MINDY4: variants seen among roughly 807,000 people sequenced by gnomAD.
MINDY4 encodes probable ubiquitin carboxyl-terminal hydrolase MINDY-4.
Under a neutral mutation model 87.0 loss-of-function variants are expected in MINDY4, and 68 were observed. The ratio of observed to expected loss-of-function variants is 0.78; its 90% CI spans 0.64 to 0.96. The LOEUF is 0.96. Ranked by LOEUF, MINDY4 falls within the 40% of genes least tolerant of loss-of-function variation. The pLI is 0.00. For missense variants in MINDY4, 919 were observed against 928.2 expected (o/e 0.99, Z 0.13); for synonymous variants, 379 against 363.2 (o/e 1.04, Z -0.50).
Position 30,882,366 on chromosome 7 carries a change from G to C in MINDY4, c.2152+5G>C, listed in dbSNP as rs769382403. The C allele has an allele frequency of 6.4e-7, 1 of 1,552,498 alleles. No individual in the cohort carries two copies. The highest frequency in any genetic ancestry group is 8.7e-7 in the Non-Finnish European group (1 of 1,143,330). On this transcript the variant is annotated splice_donor_5th_base_variant and intron_variant, in intron 16 of 17. Transcript: ENST00000265299. ...AGCAGATCCGGCTGACCATTGGTGC[G>C]GGCCCTCACCCCCCCACCCACCCAA...
chr7:30,886,337 C>G (rs2128583006), intron 17 of MINDY4, among the ~76,000 whole-genome samples: 1 of 152,292 alleles, frequency 6.6e-6, no homozygotes, highest in African/African-American at 2.4e-5. Context: ...TTGCCATCAG[C>G]CAAAAGTCAA....
chr7:30,828,744 G>A lies in MINDY4; in HGVS notation c.1132+7G>A, dbSNP rs747364647. On this transcript the variant is annotated splice_region_variant and intron_variant, in intron 6 of 17. Coordinates refer to ENST00000265299, the MANE Select transcript of MINDY4 (RefSeq NM_032222.3). ...CTGGGTGCCCTGCGGCTCGGTAGGT[G>A]CAGCGGGTGCCTCTGTGCTGTGCCC... is the stretch of plus-strand genomic sequence containing the variant. 4 of 1,611,642 alleles carry A rather than the reference G, an allele frequency of 2.5e-6. No homozygotes were observed. The highest frequency in any genetic ancestry group is 3.4e-6 in the Non-Finnish European group (4 of 1,179,976).
At chr7:30,815,158 C>A (rs1184887601) in intron 5 of MINDY4, among the ~76,000 whole-genome samples, 1 of 152,200 alleles carries the variant, frequency 6.6e-6, no homozygotes, top group Non-Finnish European at 1.5e-5. Flanking sequence ...GCTTTTCAGT[C>A]CACTGTGGAA....
At chr7:30,828,390 A>C (rs1562544624) in intron 5 of MINDY4, among the ~76,000 whole-genome samples, 3 of 152,146 alleles carry the variant, frequency 2.0e-5, no homozygotes, top group African/African-American at 4.8e-5. Flanking sequence ...GATAGCCTAC[A>C]TGCAGTGCTT....
At chr7:30,816,155 G>GC (rs1788142614) in intron 5 of MINDY4, among the ~76,000 whole-genome samples, 1 of 151,630 alleles carries the variant, frequency 6.6e-6, no homozygotes. Context: ...TCCAGAGGGA[G>GC]CATCCATTGA....
intron 4 of MINDY4, among the ~76,000 whole-genome samples, 198 bp from the exon 5 acceptor site, chr7:30,790,967 T>C (rs576566768): frequency 4.6e-5 from 7 of 152,270 alleles, no homozygotes; most frequent in Non-Finnish European, 8.8e-5. Context: ...AGGCGGGGTG[T>C]GCATCACTGA....
intron 5 of MINDY4, among the ~76,000 whole-genome samples, chr7:30,794,093 G>A (rs933324826): frequency 2.0e-5 from 3 of 152,114 alleles, no homozygotes; most frequent in East Asian, 3.9e-4. Context: ...TCAGCGAGGC[G>A]TCTTTGTGTA....
chr7:30,824,749 T>C (rs1346310407), intron 5 of MINDY4, among the ~76,000 whole-genome samples: 1 of 152,088 alleles, frequency 6.6e-6, no homozygotes, highest in East Asian at 1.9e-4. Flanking sequence ...AATTTATTTA[T>C]TTTTTGTGGA....
chr7:30,842,638 C>T (rs1290497268), intron 9 of MINDY4, among the ~76,000 whole-genome samples: 1 of 152,174 alleles, frequency 6.6e-6, no homozygotes, highest in Non-Finnish European at 1.5e-5. Flanking sequence ...GAGAGCCAGA[C>T]AGGAACAGGT....
intron 5 of MINDY4, among the ~76,000 whole-genome samples, chr7:30,792,878 G>A (rs1310879138): frequency 6.6e-6 from 1 of 151,640 alleles, no homozygotes; most frequent in Non-Finnish European, 1.5e-5. Context: ...TATTCTCTCT[G>A]AGTTTAATTT....
At chr7:30,794,479 T>C (rs1477876240) in intron 5 of MINDY4, among the ~76,000 whole-genome samples, 1 of 151,748 alleles carries the variant, frequency 6.6e-6, no homozygotes, top group Non-Finnish European at 1.5e-5. Flanking sequence ...TTCAGGAAAA[T>C]CCATGGAAGT....
At chr7:30,873,110 C>T (rs1268846597) in intron 14 of MINDY4, among the ~76,000 whole-genome samples, 2 of 152,196 alleles carry the variant, frequency 1.3e-5, no homozygotes, top group Non-Finnish European at 2.9e-5. Context: ...TACGTGGGCA[C>T]CATACAAGGC....
At chr7:30,822,178 CTTTT>C (rs983445282) in intron 5 of MINDY4, among the ~76,000 whole-genome samples, 4 of 135,098 alleles carry the variant, frequency 3.0e-5, no homozygotes, top group African/African-American at 1.2e-4. Context: ...TTCTTTCTTT[CTTTT>C]TTTTTTTTCT....
chr7:30,880,571 C>G (rs1790433592), intron 15 of MINDY4, among the ~76,000 whole-genome samples: 1 of 152,128 alleles, frequency 6.6e-6, no homozygotes, highest in Non-Finnish European at 1.5e-5. Context: ...TTGGGACTCT[C>G]TCCCTGCCGT....
intron 5 of MINDY4, among the ~76,000 whole-genome samples, chr7:30,804,397 A>C (rs1787746054): frequency 6.6e-6 from 1 of 152,230 alleles, no homozygotes; most frequent in Non-Finnish European, 1.5e-5. Flanking sequence ...CTCAATCTAA[A>C]TACATGGTAT....
At chr7:30,856,674 T>C (rs1337135964) in intron 12 of MINDY4, among the ~76,000 whole-genome samples, 1 of 151,940 alleles carries the variant, frequency 6.6e-6, no homozygotes, top group African/African-American at 2.4e-5. Flanking sequence ...GCAAGAGTTC[T>C]AGAAGGAGAA....
At chr7:30,785,415 A>G (rs962057764) in intron 3 of MINDY4, among the ~76,000 whole-genome samples, 5 of 152,184 alleles carry the variant, frequency 3.3e-5, no homozygotes, top group African/African-American at 1.2e-4. Flanking sequence ...CGCATACCGC[A>G]TGACTGTACT....
chr7:30,884,759 G>A (rs765122769), intron 17 of MINDY4, among the ~76,000 whole-genome samples: 15 of 152,180 alleles, frequency 9.9e-5, no homozygotes, highest in African/African-American at 2.4e-4. Context: ...ACCTCCCAGC[G>A]TGGGCCCAGG....
intron 15 of MINDY4, among the ~76,000 whole-genome samples, chr7:30,878,115 G>A (rs2128580463): frequency 6.6e-6 from 1 of 152,150 alleles, no homozygotes; most frequent in South Asian, 2.1e-4. Context: ...CTCAGAGCCA[G>A]GGCCCTTGCT....
Sources: allele counts gnomAD v4.1 joint callset (sites outside exome capture counted in the v4.1 genomes callset), GRCh38; gene constraint gnomAD v4.1.1; transcripts MANE v1.5; gene names NCBI Gene and HGNC (gene_info 2026-07-23, HGNC 2026-07-21).